The following TMEM163 variants were observed in gnomAD, a reference collection of about 807,000 sequenced individuals.
TMEM163 encodes transmembrane protein 163.
A neutral mutation model predicts 29.3 loss-of-function variants in TMEM163; 17 were observed. That is an observed-to-expected ratio of 0.58 (90% CI 0.40 to 0.87). The LOEUF (loss-of-function observed/expected upper bound fraction) is 0.87. Ranked by LOEUF, TMEM163 falls within the 40% of genes least tolerant of loss-of-function variation. TMEM163 has a pLI of 0.00. For synonymous variants in TMEM163, 157 were observed against 160.6 expected (o/e 0.98, Z 0.17); for missense variants, 303 against 381.5 (o/e 0.79, Z 1.71).
At chr2:134,670,216 A>C (rs1281162759) in intron 2 of TMEM163, among the ~76,000 whole-genome samples, 1 of 152,116 alleles carries the variant, frequency 6.6e-6, no homozygotes, top group African/African-American at 2.4e-5. Flanking sequence ...TTAATTTCAC[A>C]ACTCTACTTC....
At chr2:134,468,455 T>C (rs1686717033) in intron 5 of TMEM163, 1 of 152,178 alleles carries the variant, frequency 6.6e-6, no homozygotes, top group Non-Finnish European at 1.5e-5. Flanking sequence ...CTGTGGTGTT[T>C]TGTTATAACA....
intron 2 of TMEM163, among the ~76,000 whole-genome samples, chr2:134,603,211 C>G (rs902045632): frequency 1.3e-5 from 2 of 152,212 alleles, no homozygotes; most frequent in African/African-American, 4.8e-5. Context: ...ACTCAAGGAC[C>G]TGGGCAGACT....
At chr2:134,470,499 T>C (rs1686775662) in intron 5 of TMEM163, among the ~76,000 whole-genome samples, 1 of 152,144 alleles carries the variant, frequency 6.6e-6, no homozygotes, top group Non-Finnish European at 1.5e-5. Flanking sequence ...TTTCTGAGCA[T>C]GGGTTATTTC....
intron 2 of TMEM163, among the ~76,000 whole-genome samples, chr2:134,679,961 G>A (rs933764507): frequency 2.0e-5 from 3 of 147,254 alleles, no homozygotes; most frequent in African/African-American, 5.0e-5. Flanking sequence ...CAGAATAAAC[G>A]TACTTTAAGT....
chr2:134,536,455 C>T (rs12328859), intron 4 of TMEM163, among the ~76,000 whole-genome samples: 1 of 152,260 alleles, frequency 6.6e-6, no homozygotes, highest in East Asian at 1.9e-4. Flanking sequence ...GGCCTCCCAC[C>T]TGAGCAGGAC....
At position 134,587,240 on chromosome 2, in the gene TMEM163, G is replaced by A. The variant is rs565388790; in HGVS notation, c.323-35149C>T. Among the ~76,000 whole-genome samples, 7 of 152,146 alleles carry A rather than the reference G, an allele frequency of 4.6e-5. No individual in the cohort carries two copies. The South Asian group carries it at 6.2e-4, about 14-fold the overall frequency. ...AACCTGGCCAACATGGTGAGGCCCC[G>A]CTTCTACTAAAAATACAAAAAATTA... On this transcript the variant is annotated intron_variant, in intron 2 of 7. Coordinates refer to ENST00000281924, the MANE Select transcript of TMEM163 (RefSeq NM_030923.5).
At chr2:134,636,247 G>C (rs1683101686) in intron 2 of TMEM163, among the ~76,000 whole-genome samples, 1 of 152,218 alleles carries the variant, frequency 6.6e-6, no homozygotes, top group Non-Finnish European at 1.5e-5. Flanking sequence ...CAAAGACCAG[G>C]TACAGGCACC....
intron 2 of TMEM163, among the ~76,000 whole-genome samples, chr2:134,688,104 C>T (rs2104880772): frequency 6.6e-6 from 1 of 152,296 alleles, no homozygotes; most frequent in Admixed American, 6.5e-5. Flanking sequence ...GCAGCAAGCT[C>T]CCCACTGCGC....
chr2:134,468,147 C>T (rs1686710248), intron 5 of TMEM163: 1 of 152,196 alleles, frequency 6.6e-6, no homozygotes, highest in African/African-American at 2.4e-5. Flanking sequence ...GTATGTGTCC[C>T]TCCAAAATTC....
At chr2:134,489,050 G>A (rs1433194181) in intron 5 of TMEM163, among the ~76,000 whole-genome samples, 1 of 151,958 alleles carries the variant, frequency 6.6e-6, no homozygotes, top group Non-Finnish European at 1.5e-5. Context: ...ATGAAACATG[G>A]GCATAGTCTA....
chr2:134,502,852 G>T, intron 5 of TMEM163, 49 bp downstream of exon 5: 1 of 1,565,050 alleles, frequency 6.4e-7, no homozygotes, highest in Non-Finnish European at 8.8e-7. Flanking sequence ...GGCAGCCCAG[G>T]GGGCCAGCGC....
chr2:134,507,962 C>G (rs769795332), intron 4 of TMEM163, among the ~76,000 whole-genome samples: 1 of 146,520 alleles, frequency 6.8e-6, no homozygotes. Flanking sequence ...GTAGTTAAAG[C>G]CTCCTTTTTT....
At chr2:134,664,787 C>T (rs1322991473) in intron 2 of TMEM163, among the ~76,000 whole-genome samples, 1 of 152,174 alleles carries the variant, frequency 6.6e-6, no homozygotes, top group Non-Finnish European at 1.5e-5. Flanking sequence ...AACCCTGCTG[C>T]CATCTTGATT....
At chr2:134,458,473 T>A in intron 6 of TMEM163, 1 of 354,514 alleles carries the variant, frequency 2.8e-6, no homozygotes, top group Non-Finnish European at 5.4e-6. Flanking sequence ...AACGCAAACC[T>A]CCTAGAGGCA....
At chr2:134,713,845 G>C (rs16830943) in intron 1 of TMEM163, among the ~76,000 whole-genome samples, 1 of 152,180 alleles carries the variant, frequency 6.6e-6, no homozygotes, top group Non-Finnish European at 1.5e-5. Flanking sequence ...ACAATCAGGA[G>C]AAGAACCATT....
intron 2 of TMEM163, among the ~76,000 whole-genome samples, chr2:134,563,925 G>C (rs1019687960): frequency 6.6e-5 from 10 of 152,152 alleles, no homozygotes; most frequent in African/African-American, 2.4e-4. Flanking sequence ...GGTGGTGGGT[G>C]TCTGTAGTCC....
At chr2:134,480,958 A>G (rs1331414255) in intron 5 of TMEM163, among the ~76,000 whole-genome samples, 1 of 152,202 alleles carries the variant, frequency 6.6e-6, no homozygotes, top group East Asian at 1.9e-4. Context: ...ACAAAACAGA[A>G]TATTTCCATG....
intron 2 of TMEM163, among the ~76,000 whole-genome samples, chr2:134,572,448 C>A (rs1466660128): frequency 1.3e-5 from 2 of 152,216 alleles, no homozygotes; most frequent in Non-Finnish European, 2.9e-5. Flanking sequence ...GATACCTCTC[C>A]AATCCTATTT....
intron 1 of TMEM163, chr2:134,713,647 G>T: frequency 2.0e-6 from 1 of 489,180 alleles, no homozygotes; most frequent in Non-Finnish European, 4.0e-6. Context: ...ATGTTGCTTG[G>T]CCTCAGGTAG....
Sources: gnomAD v4.1 joint callset for allele counts (sites outside exome capture counted in the v4.1 genomes callset) on GRCh38, gnomAD v4.1.1 for gene constraint, MANE v1.5 for transcripts, NCBI Gene and HGNC (gene_info 2026-07-23, HGNC 2026-07-21) for gene names.